Variants in ANKRD30BL observed in about 807,000 individuals in gnomAD.
ANKRD30BL encodes ankyrin repeat domain 30B like.
Under a neutral mutation model 18.4 loss-of-function variants are expected in ANKRD30BL, and 20 were observed. The ratio of observed to expected loss-of-function variants is 1.09; its 90% confidence interval spans 0.77 to 1.58. ANKRD30BL has a LOEUF of 1.58. ANKRD30BL is among the 40% of genes most tolerant of loss of function. The pLI, the probability that ANKRD30BL is intolerant of heterozygous loss-of-function variation, is 0.00. For missense variants in ANKRD30BL, 224 were observed against 268.6 expected, an observed-to-expected ratio of 0.83 and a Z score of 1.16; for synonymous variants, 72 against 100.9, an observed-to-expected ratio of 0.71 and a Z score of 1.72.
intron 1 of ANKRD30BL, among the ~76,000 whole-genome samples, chr2:132,178,901 A>G (rs1005938223): frequency 9.9e-5 from 15 of 151,716 alleles, no homozygotes; most frequent in African/African-American, 3.6e-4. Flanking sequence ...AAATAATTTG[A>G]TAGAATTCTG....
intron 1 of ANKRD30BL, among the ~76,000 whole-genome samples, chr2:132,232,694 C>A (rs1393162497): frequency 1.3e-5 from 2 of 151,882 alleles, no homozygotes; most frequent in Non-Finnish European, 2.9e-5. Context: ...GTGAAAAGAC[C>A]AAATCTACTT....
At chr2:132,237,788 C>A (rs1680202289) in intron 1 of ANKRD30BL, among the ~76,000 whole-genome samples, 1 of 151,662 alleles carries the variant, frequency 6.6e-6, no homozygotes, top group Non-Finnish European at 1.5e-5. Flanking sequence ...CAGGAAATAT[C>A]TTTCCATAAA....
At chr2:132,194,872 A>G (rs4108888) in intron 1 of ANKRD30BL, among the ~76,000 whole-genome samples, 1 of 152,242 alleles carries the variant, frequency 6.6e-6, no homozygotes, top group Non-Finnish European at 1.5e-5. Flanking sequence ...TGGAAAAAAC[A>G]ATGCTGCACA....
intron 1 of ANKRD30BL, among the ~76,000 whole-genome samples, chr2:132,177,163 T>A (rs533720247): frequency 2.9e-4 from 44 of 152,240 alleles, no homozygotes; most frequent in African/African-American, 1.1e-3. Flanking sequence ...ATTTTTTTTT[T>A]TTTATTTTTG....
chr2:132,169,647 A>T, intron 1 of ANKRD30BL, among the ~76,000 whole-genome samples: 1 of 90,770 alleles, frequency 1.1e-5, no homozygotes, highest in African/African-American at 3.8e-5. Context: ...CTCTGTCTAA[A>T]AAAAAAAAAA....
intron 1 of ANKRD30BL, among the ~76,000 whole-genome samples, chr2:132,173,373 C>G (rs968975663): frequency 8.1e-5 from 12 of 148,310 alleles, no homozygotes; most frequent in African/African-American, 3.0e-4. Context: ...AATCCTGGAT[C>G]ACTGCAAGCT....
intron 1 of ANKRD30BL, among the ~76,000 whole-genome samples, chr2:132,205,628 A>G (rs1679198245): frequency 6.6e-6 from 1 of 151,522 alleles, no homozygotes; most frequent in Non-Finnish European, 1.5e-5. Flanking sequence ...AAAGAAAAAA[A>G]GAAAAAAAAG....
intron 1 of ANKRD30BL, among the ~76,000 whole-genome samples, chr2:132,205,060 A>G (rs1335352394): frequency 6.6e-6 from 1 of 152,214 alleles, no homozygotes; most frequent in Non-Finnish European, 1.5e-5. Context: ...TTATACACAT[A>G]TGAATACAAC....
intron 1 of ANKRD30BL, among the ~76,000 whole-genome samples, chr2:132,187,275 C>A (rs554736312): frequency 7.6e-6 from 1 of 131,566 alleles, no homozygotes; most frequent in Admixed American, 8.8e-5. Flanking sequence ...CTTGCTGTAA[C>A]TTCTGCCTCC....
intron 1 of ANKRD30BL, among the ~76,000 whole-genome samples, chr2:132,249,546 A>G (rs1309630172): frequency 6.6e-6 from 1 of 151,778 alleles, no homozygotes; most frequent in African/African-American, 2.4e-5. Context: ...CTGTTACCAA[A>G]GTGCTCAATC....
chr2:132,175,679 G>A (rs1383842045), intron 1 of ANKRD30BL, among the ~76,000 whole-genome samples: 1 of 152,236 alleles, frequency 6.6e-6, no homozygotes, highest in Non-Finnish European at 1.5e-5. Flanking sequence ...AGAATCCTTG[G>A]ACAATACCCG....
intron 1 of ANKRD30BL, among the ~76,000 whole-genome samples, chr2:132,159,137 G>A (rs185733527): frequency 1.3e-5 from 2 of 152,138 alleles, no homozygotes; most frequent in African/African-American, 4.8e-5. Context: ...CAAGACTGTA[G>A]TCTGTGTGTA....
chr2:132,235,242 G>A (rs530103216), intron 1 of ANKRD30BL, among the ~76,000 whole-genome samples: 2,055 of 152,152 alleles, frequency 0.014, 41 homozygotes, highest in African/African-American at 0.047. Flanking sequence ...TACTGAATGG[G>A]CAAAAACTGG....
chr2:132,194,873 A>G (rs1573830309), intron 1 of ANKRD30BL, among the ~76,000 whole-genome samples: 2 of 152,246 alleles, frequency 1.3e-5, no homozygotes, highest in Non-Finnish European at 2.9e-5. Flanking sequence ...GGAAAAAACA[A>G]TGCTGCACAT....
chr2:132,218,240 A>C (rs1239515792), intron 1 of ANKRD30BL, among the ~76,000 whole-genome samples: 1 of 152,006 alleles, frequency 6.6e-6, no homozygotes, highest in Admixed American at 6.6e-5. Context: ...TAGAATTTGC[A>C]ATTGGATATT....
At chr2:132,228,226 C>T (rs543873056) in intron 1 of ANKRD30BL, among the ~76,000 whole-genome samples, 25 of 152,016 alleles carry the variant, frequency 1.6e-4, no homozygotes, top group African/African-American at 5.5e-4. Flanking sequence ...ACATTTGGAG[C>T]GCTTTGAGGC....
intron 1 of ANKRD30BL, among the ~76,000 whole-genome samples, chr2:132,189,926 G>A (rs1260243831): frequency 2.6e-5 from 4 of 151,932 alleles, no homozygotes; most frequent in South Asian, 2.1e-4. Context: ...TACAATCTTG[G>A]GTAAATTCTT....
intron 1 of ANKRD30BL, among the ~76,000 whole-genome samples, chr2:132,233,372 T>C (rs1440474256): frequency 7.0e-6 from 1 of 143,872 alleles, no homozygotes; most frequent in Non-Finnish European, 1.5e-5. Context: ...AATGCTCCAA[T>C]TAAAAGACAC....
intron 1 of ANKRD30BL, among the ~76,000 whole-genome samples, chr2:132,210,165 C>T (rs796177065): frequency 3.0e-4 from 46 of 151,692 alleles, no homozygotes; most frequent in South Asian, 2.1e-3. Flanking sequence ...ATATTTGGAG[C>T]GCTTTGCGGC....
Sources: allele counts gnomAD v4.1 joint callset (sites outside exome capture counted in the v4.1 genomes callset), GRCh38; gene constraint gnomAD v4.1.1; transcripts MANE v1.5; gene names NCBI Gene and HGNC (gene_info 2026-07-23, HGNC 2026-07-21).